SLX9: variants seen among roughly 807,000 people sequenced by gnomAD.
SLX9 encodes the protein ribosome biogenesis protein SLX9 homolog.
In SLX9, 19 loss-of-function variants were observed where a neutral mutation model predicts 20.8. That is an observed-to-expected ratio of 0.91 (90% CI 0.64 to 1.34). The LOEUF is 1.34. Ranked by LOEUF, SLX9 falls within the 40% of genes most tolerant of loss-of-function variation. The probability of loss-of-function intolerance (pLI) is 0.00; values close to 1 mark genes in which losing one functional copy is unlikely to be tolerated. For synonymous variants in SLX9, 113 were observed against 137.1 expected (o/e 0.82, Z 1.23); for missense variants, 299 against 322.2 (o/e 0.93, Z 0.55).
intron 4 of SLX9, among the ~76,000 whole-genome samples, chr21:44,968,457 C>T (rs1390776660): frequency 6.6e-6 from 1 of 152,276 alleles, no homozygotes; most frequent in Admixed American, 6.5e-5. Context: ...GCTGCATGAC[C>T]CTCCCTGTCA....
At chr21:44,973,528 TCACCCCGCC>T (rs2085201679) in intron 5 of SLX9, among the ~76,000 whole-genome samples, 1 of 38,118 alleles carries the variant, frequency 2.6e-5, no homozygotes, top group African/African-American at 1.2e-4. Context: ...CTGAGTGCCC[TCACCCCGCC>T]CACCCTCTCC....
intron 1 of SLX9, among the ~76,000 whole-genome samples, chr21:44,940,624 T>C (rs4818745): frequency 0.44 from 67,342 of 151,812 alleles, 16,625 homozygotes; most frequent in African/African-American, 0.67. Context: ...AATCTACCTT[T>C]TGTCTTTATT....
chr21:44,940,256 C>T (rs2084515488), intron 1 of SLX9, 70 bp downstream of exon 1: 1 of 1,196,194 alleles, frequency 8.4e-7, no homozygotes. Flanking sequence ...GGGGCGCCGC[C>T]TCCGGGAGGG....
chr21:44,976,954 C>T lies in SLX9; in HGVS notation c.*151C>T, dbSNP rs1479463125. On this transcript the variant is annotated 3_prime_UTR_variant, in exon 6 of 6. Transcript: ENST00000291634. ...TAAATGGCTCTGTGAACTTCCCCTG[C>T]ACTGCCAGGGCCGTTCCCATGAGCT... 39 of 1,115,688 alleles carry T rather than the reference C, an allele frequency of 3.5e-5. No individual in the cohort carries two copies. The highest frequency in any genetic ancestry group is 4.9e-5 in the Non-Finnish European group (39 of 788,120). The allele number at this position is 1,115,688 out of a possible 1,614,324, so 69.1% of individuals were successfully genotyped here.
chr21:44,952,818 A>G (rs1450006883), intron 2 of SLX9, among the ~76,000 whole-genome samples: 1 of 152,162 alleles, frequency 6.6e-6, no homozygotes, highest in Non-Finnish European at 1.5e-5. Context: ...GGCTGGAGCT[A>G]TTTAAGGTTC....
intron 2 of SLX9, among the ~76,000 whole-genome samples, chr21:44,948,769 A>T (rs930968012): frequency 6.6e-6 from 1 of 152,092 alleles, no homozygotes; most frequent in African/African-American, 2.4e-5. Flanking sequence ...CCTTTGCTTG[A>T]GTTTTGTCCA....
In SLX9 at chr21:44,976,947, T is replaced by TC; in HGVS notation, c.*148dup. 1 of 1,154,926 alleles carries TC rather than the reference T, an allele frequency of 8.7e-7. No individual in the cohort carries two copies. Among genetic ancestry groups the TC allele is most frequent in the Non-Finnish European group, 1.2e-6 (1 of 822,798 alleles). The allele number at this position is 1,154,926 out of a possible 1,614,324, so 71.5% of individuals were successfully genotyped here. ...GGCTCAATAAATGGCTCTGTGAACT[T>TC]CCCCTGCACTGCCAGGGCCGTTCCC... On this transcript the variant is annotated 3_prime_UTR_variant, in exon 6 of 6. Transcript: ENST00000291634.
chr21:44,969,598 C>T (rs951955409), intron 4 of SLX9, among the ~76,000 whole-genome samples: 1 of 152,170 alleles, frequency 6.6e-6, no homozygotes, highest in African/African-American at 2.4e-5. Flanking sequence ...CTATTTTAGA[C>T]AGGCTTTAGA....
intron 3 of SLX9, among the ~76,000 whole-genome samples, chr21:44,965,364 C>T (rs1311436272): frequency 6.6e-6 from 1 of 152,206 alleles, no homozygotes; most frequent in Non-Finnish European, 1.5e-5. Context: ...GCCTCGCTCC[C>T]TCCCTCCCCC....
chr21:44,964,817 C>T (rs2085005649), intron 3 of SLX9, among the ~76,000 whole-genome samples: 1 of 152,190 alleles, frequency 6.6e-6, no homozygotes, highest in African/African-American at 2.4e-5. Flanking sequence ...AGTCGAGTGG[C>T]TCCTGCTGTA....
intron 1 of SLX9, among the ~76,000 whole-genome samples, chr21:44,941,115 T>C (rs1365919455): frequency 6.6e-6 from 1 of 152,240 alleles, no homozygotes; most frequent in Non-Finnish European, 1.5e-5. Context: ...TCTTTACTGA[T>C]GTTTTCTGTT....
chr21:44,942,419 C>CTG (rs1454610621), intron 1 of SLX9, among the ~76,000 whole-genome samples: 1 of 152,124 alleles, frequency 6.6e-6, no homozygotes, highest in East Asian at 1.9e-4. Context: ...CCCTCAGGTG[C>CTG]TGTGGGTGAG....
chr21:44,957,149 G>A (rs62214499), intron 2 of SLX9, among the ~76,000 whole-genome samples: 26,275 of 152,250 alleles, frequency 0.17, 2,405 homozygotes, highest in Non-Finnish European at 0.2. Flanking sequence ...TTGCCGGGCC[G>A]GCCGGCGTTC....
At chr21:44,967,245 G>C in intron 4 of SLX9, 64 bp downstream of exon 4, 1 of 1,512,096 alleles carries the variant, frequency 6.6e-7, no homozygotes, top group Non-Finnish European at 8.8e-7. Context: ...AGAGGTGGAG[G>C]GATATGAGTG....
At chr21:44,944,407 G>T (rs2084605340) in intron 2 of SLX9, among the ~76,000 whole-genome samples, 1 of 152,170 alleles carries the variant, frequency 6.6e-6, no homozygotes, top group South Asian at 2.1e-4. Flanking sequence ...TCACTCCAGT[G>T]TCCGGAGCTT....
chr21:44,948,421 G>A (rs1480577195), intron 2 of SLX9, among the ~76,000 whole-genome samples: 2 of 152,026 alleles, frequency 1.3e-5, no homozygotes, highest in South Asian at 2.1e-4. Context: ...GTGGAGCACC[G>A]GGCGTCTGGG....
Position 44,940,109 on chromosome 21 carries a change from C to T in SLX9, c.52C>T (p.Pro18Ser), listed in dbSNP as rs1209548547. The T allele has an allele frequency of 5.7e-6, 8 of 1,407,974 alleles. No homozygotes were observed. The highest frequency in any genetic ancestry group is 1.6e-5 in the South Asian group (1 of 63,010). 87.2% of individuals were successfully genotyped at this position (1,407,974 alleles called of 1,614,324 possible). A position where few individuals can be genotyped will look rare whatever the true frequency, so the allele number is the denominator to read the frequency against. ...RARVHQAAVRPKGEAAPGPAP... is the reference protein window; with the variant it reads ...RARVHQAAVRSKGEAAPGPAP... The stretch of plus-strand genomic sequence containing the variant: ...CCGAGTGCACCAGGCTGCCGTGAGG[C>T]CGAAAGGGGAGGCCGCCCCCGGCCC... The change falls in exon 1 of 6, where the codon CCG (proline) becomes TCG (serine). Residue 18 changes from proline to serine, a missense_variant. By Grantham distance (74) the Pro-to-Ser change is moderately conservative. Transcript: ENST00000291634.
chr21:44,970,080 T>A (rs1378466784), intron 4 of SLX9, among the ~76,000 whole-genome samples: 1 of 152,148 alleles, frequency 6.6e-6, no homozygotes, highest in East Asian at 1.9e-4. Context: ...GAGGCTGAGC[T>A]GGCCCCTGCT....
chr21:44,962,000 C>G (rs60163928), intron 3 of SLX9, among the ~76,000 whole-genome samples: 8,250 of 152,172 alleles, frequency 0.054, 715 homozygotes, highest in African/African-American at 0.19. Context: ...ACCCTGTACC[C>G]ACCACACAGA....
Sources: allele counts gnomAD v4.1 joint callset (sites outside exome capture counted in the v4.1 genomes callset), GRCh38; gene constraint gnomAD v4.1.1; transcripts MANE v1.5; gene names NCBI Gene and HGNC (gene_info 2026-07-23, HGNC 2026-07-21).